CHODL: variants seen among roughly 807,000 people sequenced by gnomAD.
CHODL encodes the protein transmembrane protein MT75.
Under a neutral mutation model 34.5 loss-of-function variants are expected in CHODL, and 29 were observed. The ratio of observed to expected loss-of-function variants is 0.84; its 90% confidence interval spans 0.63 to 1.15. The LOEUF is 1.15. CHODL is among the 50% of genes most tolerant of loss of function. The pLI is 0.00. For synonymous variants in CHODL, 125 were observed against 116.1 expected (o/e 1.08, Z -0.49); for missense variants, 332 against 332.5 (o/e 1.00, Z 0.01).
chr21:18,187,596 C>T (rs911064525), intron 2 of CHODL, among the ~76,000 whole-genome samples: 2 of 152,238 alleles, frequency 1.3e-5, no homozygotes, highest in Non-Finnish European at 2.9e-5. Context: ...CTCAAGGCTG[C>T]CTCTTTTTAT....
intron 1 of CHODL, among the ~76,000 whole-genome samples, chr21:18,254,160 A>G (rs1275944247): frequency 3.3e-5 from 5 of 151,758 alleles, no homozygotes; most frequent in Admixed American, 6.6e-5. Flanking sequence ...GTATTTAAAT[A>G]CAAGAATCTC....
rs907802722 is a variant in CHODL, at chr21:18,245,061, C to G, written c.-163C>G. 10 of 559,888 alleles carry G rather than the reference C, an allele frequency of 1.8e-5. No individual in the cohort carries two copies. The highest frequency in any genetic ancestry group is 4.7e-4 in the Middle Eastern group (1 of 2,110). 34.7% of individuals were successfully genotyped at this position (559,888 alleles called of 1,614,324 possible). A position where few individuals can be genotyped will look rare whatever the true frequency, so the allele number is the denominator to read the frequency against. ...CACAGGCGCGGCAGGCGGCAGGTCC[C>G]GGCCGAAGGCGATGCGCGCAGGGGG... On this transcript the variant is annotated 5_prime_UTR_variant, in exon 1 of 6. Coordinates refer to ENST00000299295, the MANE Select transcript of CHODL (RefSeq NM_024944.3).
chr21:18,028,261 T>A (rs1423628042), intron 2 of CHODL, among the ~76,000 whole-genome samples: 2 of 79,468 alleles, frequency 2.5e-5, no homozygotes, highest in African/African-American at 1.1e-4. Flanking sequence ...TCCTTTTCTT[T>A]TTCTTTTTCC....
intron 1 of CHODL, among the ~76,000 whole-genome samples, chr21:17,927,130 A>C (rs1270329861): frequency 8.7e-6 from 1 of 115,462 alleles, no homozygotes; most frequent in Non-Finnish European, 1.8e-5. Flanking sequence ...ATATGTATAT[A>C]TATGTATATA....
chr21:18,223,814 T>C (rs1051678109), intron 2 of CHODL, among the ~76,000 whole-genome samples: 1 of 152,106 alleles, frequency 6.6e-6, no homozygotes, highest in Non-Finnish European at 1.5e-5. Context: ...CGAACCAACG[T>C]TGACTAATAC....
chr21:18,100,462 CTGTT>C (rs1025753487), intron 2 of CHODL, among the ~76,000 whole-genome samples: 8 of 151,978 alleles, frequency 5.3e-5, no homozygotes, highest in Admixed American at 1.3e-4. Flanking sequence ...GGGATGGTGA[CTGTT>C]TGGTTTGTGA....
At chr21:18,102,658 C>T (rs1001553026) in intron 2 of CHODL, among the ~76,000 whole-genome samples, 1 of 152,102 alleles carries the variant, frequency 6.6e-6, no homozygotes, top group Admixed American at 6.6e-5. Flanking sequence ...ATACCTATTG[C>T]TCTTTATAAT....
At chr21:17,987,034 AAGTT>A (rs1183931997) in intron 1 of CHODL, among the ~76,000 whole-genome samples, 2 of 152,178 alleles carry the variant, frequency 1.3e-5, no homozygotes, top group African/African-American at 4.8e-5. Flanking sequence ...AATTAACAAA[AAGTT>A]AGGAGAGCTC....
At chr21:18,215,153 C>A (rs2073811889) in intron 2 of CHODL, among the ~76,000 whole-genome samples, 1 of 151,558 alleles carries the variant, frequency 6.6e-6, no homozygotes, top group African/African-American at 2.4e-5. Flanking sequence ...TTTAGGTAAT[C>A]CATAAAAGGA....
intron 2 of CHODL, among the ~76,000 whole-genome samples, chr21:18,182,896 G>A (rs2146678980): frequency 6.6e-6 from 1 of 152,252 alleles, no homozygotes; most frequent in Non-Finnish European, 1.5e-5. Context: ...CTCCACATTT[G>A]TGCTACAAGA....
At chr21:18,050,997 T>C (rs2146468194) in intron 2 of CHODL, among the ~76,000 whole-genome samples, 1 of 151,860 alleles carries the variant, frequency 6.6e-6, no homozygotes, top group Middle Eastern at 3.4e-3. Flanking sequence ...GTTACATAGG[T>C]ATACACGTGC....
At chr21:17,970,700 G>A (rs1271152608) in intron 1 of CHODL, among the ~76,000 whole-genome samples, 1 of 152,036 alleles carries the variant, frequency 6.6e-6, no homozygotes, top group Non-Finnish European at 1.5e-5. Context: ...CCCATCACTT[G>A]AGCAGTGTAC....
chr21:18,104,386 A>G (rs771082770), intron 2 of CHODL, among the ~76,000 whole-genome samples: 8 of 152,112 alleles, frequency 5.3e-5, no homozygotes, highest in Non-Finnish European at 1.2e-4. Context: ...CTTGTGAGGA[A>G]GATGCCTTGC....
chr21:18,073,746 C>T (rs1435717236), intron 2 of CHODL, among the ~76,000 whole-genome samples: 1 of 151,842 alleles, frequency 6.6e-6, no homozygotes, highest in Non-Finnish European at 1.5e-5. Context: ...CCTGGCTTAC[C>T]TCCCAATCTC....
chr21:18,188,364 T>C (rs2073468924), intron 2 of CHODL, among the ~76,000 whole-genome samples: 2 of 152,212 alleles, frequency 1.3e-5, no homozygotes, highest in Admixed American at 6.5e-5. Context: ...CTATTTGATA[T>C]TTCTACATGG....
At chr21:17,955,948 A>T in intron 1 of CHODL, among the ~76,000 whole-genome samples, 1 of 137,060 alleles carries the variant, frequency 7.3e-6, no homozygotes, top group Non-Finnish European at 1.7e-5. Flanking sequence ...TATCTGTTTG[A>T]CTGAATGCCT....
chr21:17,982,537 A>ACATTTCATT (rs1323951266), intron 1 of CHODL, among the ~76,000 whole-genome samples: 2 of 151,918 alleles, frequency 1.3e-5, no homozygotes, highest in Non-Finnish European at 2.9e-5. Flanking sequence ...TATTATAGGA[A>ACATTTCATT]CATTTCATTA....
intron 2 of CHODL, among the ~76,000 whole-genome samples, chr21:18,119,637 T>G (rs2065456080): frequency 1.3e-5 from 2 of 152,182 alleles, no homozygotes; most frequent in South Asian, 4.1e-4. Flanking sequence ...AGAGTTCTTT[T>G]TCAATTAAGA....
At chr21:18,053,697 C>T (rs1012249835) in intron 2 of CHODL, among the ~76,000 whole-genome samples, 26 of 151,704 alleles carry the variant, frequency 1.7e-4, no homozygotes, top group African/African-American at 6.3e-4. Context: ...CATTTGAAAT[C>T]AGAGTTAGTG....
Sources: gnomAD v4.1 joint callset for allele counts (sites outside exome capture counted in the v4.1 genomes callset) on GRCh38, gnomAD v4.1.1 for gene constraint, MANE v1.5 for transcripts, NCBI Gene and HGNC (gene_info 2026-07-23, HGNC 2026-07-21) for gene names.